The following PHLPP2 variants were observed in gnomAD, a reference collection of about 807,000 sequenced individuals.
PHLPP2 encodes PH domain leucine-rich repeat-containing protein phosphatase 2.
PHLPP2 carries 66 observed loss-of-function variants against 124.9 expected under a neutral mutation model. That is an observed-to-expected ratio of 0.53 (90% CI 0.43 to 0.65). PHLPP2 has a LOEUF of 0.65. PHLPP2 is among the 30% of genes least tolerant of loss of function. PHLPP2 has a pLI of 0.00. For missense variants in PHLPP2, 1,685 were observed against 1,600.4 expected (o/e 1.05, Z -0.90); for synonymous variants, 681 against 624.7 (o/e 1.09, Z -1.34).
At chr16:71,688,989 T>C (rs1344861901) in intron 4 of PHLPP2, among the ~76,000 whole-genome samples, 1 of 152,176 alleles carries the variant, frequency 6.6e-6, no homozygotes, top group African/African-American at 2.4e-5. Context: ...GTTATTGTTT[T>C]AGCTTTCTTG....
chr16:71,684,363 T>C (rs1163026801), intron 5 of PHLPP2, 113 bp downstream of exon 5: 1 of 1,005,586 alleles, frequency 9.9e-7, no homozygotes, highest in Non-Finnish European at 1.5e-6. Context: ...CAACCTCAGG[T>C]GATCCGTCCA....
Position 71,659,951 on chromosome 16 carries a change from C to T in PHLPP2, c.1986-1136G>A, listed in dbSNP as rs555418317. Among the ~76,000 whole-genome samples the T allele has an allele frequency of 2.0e-5, 3 of 152,032 alleles. No homozygotes were observed. The East Asian group carries it at 5.8e-4, about 29-fold the overall frequency. On this transcript the variant is annotated intron_variant, in intron 13 of 18. Coordinates refer to ENST00000568954, the MANE Select transcript of PHLPP2 (RefSeq NM_015020.3). ...TGTTTTACAAAAATTTTATATCTTG[C>T]CTTTTTCATATAACATATCATAAAT...
At chr16:71,658,028 CCATGGAGTAGT>C (rs2044756429) in intron 15 of PHLPP2, among the ~76,000 whole-genome samples, 194 bp downstream of exon 15, 1 of 152,098 alleles carries the variant, frequency 6.6e-6, no homozygotes. Context: ...GGGGTAGTAG[CCATGGAGTAGT>C]CCTAATATAA....
At chr16:71,706,224 G>A (rs992817494) in intron 2 of PHLPP2, among the ~76,000 whole-genome samples, 3 of 152,200 alleles carry the variant, frequency 2.0e-5, no homozygotes, top group Admixed American at 2.0e-4. Flanking sequence ...TATAGTCCAT[G>A]TAAATTTGAA....
chr16:71,650,058 G>C lies in PHLPP2; in HGVS notation c.2818-14C>G. On this transcript the variant is annotated splice_polypyrimidine_tract_variant and intron_variant, in intron 18 of 18. Transcript: ENST00000568954. Reference sequence around the variant, plus strand: ...CACTTTGTTGTCCTACAGAAGAGCAGGACACAAATTCTGAGAAACAAGCAA... The same window carrying C: ...CACTTTGTTGTCCTACAGAAGAGCACGACACAAATTCTGAGAAACAAGCAA... The C allele has an allele frequency of 6.3e-7, 1 of 1,591,088 alleles. No individual in the cohort carries two copies. Among genetic ancestry groups the C allele is most frequent in the Non-Finnish European group, 8.5e-7 (1 of 1,170,744 alleles).
At chr16:71,691,737 C>G (rs1257741042) in intron 3 of PHLPP2, among the ~76,000 whole-genome samples, 1 of 151,946 alleles carries the variant, frequency 6.6e-6, no homozygotes, top group East Asian at 1.9e-4. Context: ...TACTTCTCAT[C>G]AGAGGCCTTC....
chr16:71,669,489 C>T, intron 10 of PHLPP2, 119 bp from the exon 11 acceptor site: 1 of 673,376 alleles, frequency 1.5e-6, no homozygotes, highest in Non-Finnish European at 2.6e-6. Flanking sequence ...ACACTGTCTC[C>T]AAGGCATCCC....
At chr16:71,720,980 T>G (rs2045394878) in intron 1 of PHLPP2, among the ~76,000 whole-genome samples, 1 of 151,912 alleles carries the variant, frequency 6.6e-6, no homozygotes, top group Non-Finnish European at 1.5e-5. Context: ...CGTTATTAAA[T>G]ATTGTGAAAG....
intron 2 of PHLPP2, among the ~76,000 whole-genome samples, chr16:71,704,238 G>A (rs1024312438): frequency 2.7e-5 from 4 of 149,306 alleles, no homozygotes; most frequent in African/African-American, 5.0e-5. Context: ...ATGAACCTGG[G>A]AGAAGAGCTT....
intron 10 of PHLPP2, among the ~76,000 whole-genome samples, chr16:71,671,693 T>A (rs2044894578): frequency 6.6e-6 from 1 of 151,812 alleles, no homozygotes; most frequent in Non-Finnish European, 1.5e-5. Context: ...GGCAGGCAGA[T>A]CACAAGGTCA....
At chr16:71,672,183 T>C (rs1349694138) in intron 10 of PHLPP2, 79 bp downstream of exon 10, 2 of 949,630 alleles carry the variant, frequency 2.1e-6, no homozygotes, top group Non-Finnish European at 3.4e-6. Context: ...AGATTTCTTG[T>C]ACATCAAAAC....
chr16:71,651,861 G>C (rs1255526976), intron 18 of PHLPP2, among the ~76,000 whole-genome samples: 1 of 152,194 alleles, frequency 6.6e-6, no homozygotes, highest in Non-Finnish European at 1.5e-5. Flanking sequence ...TATAGATACA[G>C]AGCTTACACT....
At chr16:71,693,766 A>C (rs2045138822) in intron 3 of PHLPP2, among the ~76,000 whole-genome samples, 1 of 152,204 alleles carries the variant, frequency 6.6e-6, no homozygotes, top group Non-Finnish European at 1.5e-5. Context: ...AAACGTTGTC[A>C]ATTTTTAAAG....
intron 2 of PHLPP2, among the ~76,000 whole-genome samples, chr16:71,713,467 C>T (rs1171906887): frequency 2.0e-5 from 3 of 152,146 alleles, no homozygotes; most frequent in African/African-American, 7.2e-5. Context: ...AGTTCCACTT[C>T]TAGGAGTTTA....
intron 12 of PHLPP2, among the ~76,000 whole-genome samples, chr16:71,665,158 A>G (rs1002140883): frequency 7.2e-5 from 11 of 152,206 alleles, no homozygotes; most frequent in Non-Finnish European, 1.2e-4. Context: ...AAATACAAAA[A>G]AAAAGCTGAG....
At chr16:71,715,035 T>C (rs2045352470) in intron 1 of PHLPP2, 4 of 525,302 alleles carry the variant, frequency 7.6e-6, no homozygotes, top group African/African-American at 1.9e-5. Flanking sequence ...TCTCTTTTCC[T>C]TGTGTTTTCA....
chr16:71,705,866 A>T (rs532788651), intron 2 of PHLPP2, among the ~76,000 whole-genome samples: 10 of 152,344 alleles, frequency 6.6e-5, no homozygotes, highest in African/African-American at 1.9e-4. Context: ...TAAACAAGTA[A>T]TATTTCAAGA....
rs764209734 is a variant in PHLPP2, at chr16:71,672,321, C to T, written c.1473G>A (p.Arg491=). Residue 491 remains arginine, a splice_region_variant and synonymous_variant, in exon 10 of 19, where the codon AGG becomes AGA. Coordinates refer to ENST00000568954, the MANE Select transcript of PHLPP2 (RefSeq NM_015020.3). ...CTGGATAGACGTTCACTGCTGTCAG[C>T]CCTAATCCAAAAACAAACAGGTGTT... The part of the protein sequence containing the change: ...SLRTLYASSN[R]LTAVNVYPVP... 5.0e-6 allele frequency: 8 copies of T among 1,612,262 alleles called. No homozygotes were observed. The African/African-American group carries it at 5.3e-5, about 11-fold the overall frequency.
chr16:71,669,348 C>T lies in PHLPP2; in HGVS notation c.1555G>A (p.Asp519Asn), dbSNP rs1262419143. The change falls in exon 11 of 19, where the codon GAC (aspartate) becomes AAC (asparagine). Residue 519 changes from aspartate to asparagine, a missense_variant. Asp to Asn is a conservative substitution (Grantham distance 23, BLOSUM62 1). Transcript: ENST00000568954. ...LSRNLLECVP[D>N]WACEAKKIEV... Reference sequence around the variant, plus strand: ...ATCTTCTTTGCTTCACAGGCCCAGTCAGGGACACACTCTAGCAGGTTTCTG... The same window carrying T: ...ATCTTCTTTGCTTCACAGGCCCAGTTAGGGACACACTCTAGCAGGTTTCTG... The T allele has an allele frequency of 3.1e-6, 5 of 1,611,504 alleles. No individual in the cohort carries two copies. The African/African-American group carries it at 6.7e-5, about 22-fold the overall frequency.
Sources: gnomAD v4.1 joint callset for allele counts (sites outside exome capture counted in the v4.1 genomes callset) on GRCh38, gnomAD v4.1.1 for gene constraint, MANE v1.5 for transcripts, NCBI Gene and HGNC (gene_info 2026-07-23, HGNC 2026-07-21) for gene names.